Variants in CEP128 observed in about 807,000 individuals in gnomAD.
CEP128 encodes the protein centrosomal protein 128.
Under a neutral mutation model 156.7 loss-of-function variants are expected in CEP128, and 132 were observed. That is an observed-to-expected ratio of 0.84 (90% confidence interval 0.73 to 0.97). The LOEUF (loss-of-function observed/expected upper bound fraction) is 0.97. Among genes scored for constraint, CEP128 ranks in the 50% least tolerant of loss-of-function variants. The pLI, the probability that CEP128 is intolerant of heterozygous loss-of-function variation, is 0.00. For synonymous variants in CEP128, 469 were observed against 448.9 expected, an observed-to-expected ratio of 1.04 and a Z score of -0.57; for missense variants, 1,252 against 1,281.9, an observed-to-expected ratio of 0.98 and a Z score of 0.36.
At chr14:80,804,950 A>C (rs936263865) in intron 13 of CEP128, among the ~76,000 whole-genome samples, 6 of 152,174 alleles carry the variant, frequency 3.9e-5, no homozygotes, top group African/African-American at 1.2e-4. Flanking sequence ...GCTCAAGGGC[A>C]ATGAAAAATA....
At chr14:80,698,056 C>G (rs1309605581) in intron 19 of CEP128, among the ~76,000 whole-genome samples, 1 of 151,866 alleles carries the variant, frequency 6.6e-6, no homozygotes. Flanking sequence ...TGAACTGTGA[C>G]TTTGTATTAT....
At chr14:80,880,908 A>ATTATTATT (rs1555359341) in intron 8 of CEP128, among the ~76,000 whole-genome samples, 5 of 133,658 alleles carry the variant, frequency 3.7e-5, no homozygotes, top group East Asian at 2.1e-4. Context: ...TAATAATAAT[A>ATTATTATT]ATTTCAGTAA....
intron 2 of CEP128, chr14:80,955,692 G>A (rs377366847): frequency 5.0e-6 from 8 of 1,613,940 alleles, no homozygotes; most frequent in East Asian, 2.2e-5. Flanking sequence ...TGAGGCCGGC[G>A]GACTTGCTGC....
intron 19 of CEP128, among the ~76,000 whole-genome samples, chr14:80,706,969 A>G (rs1478830004): frequency 6.6e-6 from 1 of 152,062 alleles, no homozygotes; most frequent in East Asian, 1.9e-4. Flanking sequence ...CATAACATCC[A>G]TTTGGTACTT....
intron 19 of CEP128, among the ~76,000 whole-genome samples, chr14:80,714,363 T>A (rs1897526069): frequency 6.6e-6 from 1 of 151,978 alleles, no homozygotes; most frequent in Non-Finnish European, 1.5e-5. Context: ...ATTTAGGGTA[T>A]AAACACCACC....
At chr14:80,791,499 G>C (rs1901702664) in intron 14 of CEP128, among the ~76,000 whole-genome samples, 1 of 152,136 alleles carries the variant, frequency 6.6e-6, no homozygotes, top group Admixed American at 6.5e-5. Flanking sequence ...AAAACCTCCA[G>C]ATGAGATTTT....
intron 18 of CEP128, among the ~76,000 whole-genome samples, chr14:80,745,449 GATAGGAAAA>G (rs1899051051): frequency 6.6e-6 from 1 of 152,074 alleles, no homozygotes; most frequent in Non-Finnish European, 1.5e-5. Flanking sequence ...CAAGGTTTAA[GATAGGAAAA>G]TCATTAATGT....
At chr14:80,930,083 G>A (rs571417829) in intron 2 of CEP128, among the ~76,000 whole-genome samples, 1 of 152,278 alleles carries the variant, frequency 6.6e-6, no homozygotes, top group South Asian at 2.1e-4. Flanking sequence ...TACATGCAAG[G>A]GATCTAGGTT....
intron 19 of CEP128, among the ~76,000 whole-genome samples, chr14:80,615,179 G>A (rs1893159799): frequency 1.3e-5 from 2 of 152,036 alleles, no homozygotes; most frequent in African/African-American, 4.8e-5. Flanking sequence ...TTATAATGGG[G>A]AAACTCTACA....
chr14:80,539,693 GC>G (rs375597455), intron 21 of CEP128, among the ~76,000 whole-genome samples: 15 of 152,188 alleles, frequency 9.9e-5, no homozygotes, highest in African/African-American at 3.6e-4. Context: ...AGGTCTGACT[GC>G]CTGCGGGGTC....
At chr14:80,503,515 TA>T (rs1298575565) in intron 24 of CEP128, among the ~76,000 whole-genome samples, 2 of 152,196 alleles carry the variant, frequency 1.3e-5, no homozygotes, top group Admixed American at 1.3e-4. Context: ...ATGAAGGTCA[TA>T]ATGGCAAAAG....
chr14:80,530,454 A>G (rs186917669), intron 22 of CEP128, among the ~76,000 whole-genome samples: 2 of 152,338 alleles, frequency 1.3e-5, no homozygotes, highest in Admixed American at 6.5e-5. Flanking sequence ...ACAGTACCCA[A>G]ATAATTCACA....
At chr14:80,876,824 G>GATACTTTCAGGCAT (rs1888307470) in intron 8 of CEP128, among the ~76,000 whole-genome samples, 1 of 152,128 alleles carries the variant, frequency 6.6e-6, no homozygotes, top group Non-Finnish European at 1.5e-5. Context: ...TTCTAGACGG[G>GATACTTTCAGGCAT]ATACTTTCAG....
intron 23 of CEP128, among the ~76,000 whole-genome samples, chr14:80,510,973 A>T (rs1888218752): frequency 6.6e-6 from 1 of 151,236 alleles, no homozygotes; most frequent in Admixed American, 6.6e-5. Flanking sequence ...TAATCTTTTT[A>T]ATAGATTATT....
intron 19 of CEP128, among the ~76,000 whole-genome samples, chr14:80,699,914 G>A (rs1341762033): frequency 2.0e-5 from 3 of 152,084 alleles, no homozygotes; most frequent in Non-Finnish European, 4.4e-5. Context: ...GTCTCCCTTA[G>A]GCAAGGAAGT....
intron 8 of CEP128, among the ~76,000 whole-genome samples, chr14:80,892,982 C>G (rs1889174155): frequency 6.6e-6 from 1 of 151,968 alleles, no homozygotes; most frequent in South Asian, 2.1e-4. Context: ...TGAGCATATA[C>G]CCAAAGGAAA....
chr14:80,482,350 T>G (rs1350354790), intron 14 of CEP128, among the ~76,000 whole-genome samples: 1 of 152,224 alleles, frequency 6.6e-6, no homozygotes, highest in Non-Finnish European at 1.5e-5. Context: ...CAAAGAAGCA[T>G]ACGGTTCTTG....
At chr14:80,541,443 T>TTAAAAAAAAA (rs1555372783) in intron 21 of CEP128, among the ~76,000 whole-genome samples, 4 of 109,934 alleles carry the variant, frequency 3.6e-5, no homozygotes, top group African/African-American at 7.6e-5. Context: ...ATGACTGTGT[T>TTAAAAAAAAA]AAAAAAAAAA....
chr14:80,495,857 A>G (rs1236901570), downstream of CEP128, among the ~76,000 whole-genome samples: 2 of 152,186 alleles, frequency 1.3e-5, no homozygotes, highest in Non-Finnish European at 2.9e-5. Context: ...TTTAGGACGA[A>G]GGAGATAAAA....
Sources: allele counts gnomAD v4.1 joint callset (sites outside exome capture counted in the v4.1 genomes callset), GRCh38; gene constraint gnomAD v4.1.1; transcripts MANE v1.5; gene names NCBI Gene and HGNC (gene_info 2026-07-23, HGNC 2026-07-21).